The following PARP8 variants were observed in gnomAD, a reference collection of about 807,000 sequenced individuals.
The protein encoded by PARP8 is poly(ADP-ribose) polymerase family member 8, also known as protein mono-ADP-ribosyltransferase PARP8.
In PARP8, 51 loss-of-function variants were observed where a neutral mutation model predicts 124.1. The observed-to-expected ratio is 0.41, with a 90% CI of 0.33 to 0.52. The LOEUF (loss-of-function observed/expected upper bound fraction) is 0.52. Among genes scored for constraint, PARP8 ranks in the 20% least tolerant of loss-of-function variants. PARP8 has a pLI of 0.21. For synonymous variants in PARP8, 391 were observed against 361.5 expected (o/e 1.08, Z -0.93); for missense variants, 860 against 1,018.9 (o/e 0.84, Z 2.12).
At chr5:50,681,215 C>T (rs1471347758) in intron 2 of PARP8, among the ~76,000 whole-genome samples, 1 of 151,942 alleles carries the variant, frequency 6.6e-6, no homozygotes, top group Non-Finnish European at 1.5e-5. Flanking sequence ...TTAAATATCT[C>T]TTGTTTTATG....
intron 12 of PARP8, among the ~76,000 whole-genome samples, chr5:50,795,779 C>T (rs1159288561): frequency 1.3e-5 from 2 of 152,226 alleles, no homozygotes; most frequent in Non-Finnish European, 2.9e-5. Context: ...CTCTGGTCTT[C>T]TCACATGAGT....
chr5:50,684,137 C>T (rs907010483), intron 2 of PARP8, among the ~76,000 whole-genome samples: 3 of 152,082 alleles, frequency 2.0e-5, no homozygotes, highest in Admixed American at 1.3e-4. Context: ...AAATATTAAT[C>T]TTTCTTCTCA....
intron 2 of PARP8, among the ~76,000 whole-genome samples, chr5:50,705,746 G>C (rs1367991029): frequency 2.0e-5 from 3 of 152,050 alleles, no homozygotes; most frequent in African/African-American, 7.2e-5. Context: ...TCAAGCCACT[G>C]CACTCCAGCC....
chr5:50,808,089 T>C (rs929079982), intron 14 of PARP8, among the ~76,000 whole-genome samples: 4 of 151,970 alleles, frequency 2.6e-5, no homozygotes, highest in African/African-American at 7.2e-5. Context: ...CACCCAGTTA[T>C]AATTTGGTCC....
chr5:50,802,687 G>A (rs1743368341), intron 14 of PARP8, among the ~76,000 whole-genome samples: 1 of 151,956 alleles, frequency 6.6e-6, no homozygotes, highest in South Asian at 2.1e-4. Context: ...ACGTGTAATT[G>A]CTGTTATATA....
chr5:50,811,821 G>A (rs1287107973), intron 14 of PARP8, among the ~76,000 whole-genome samples: 2 of 152,092 alleles, frequency 1.3e-5, no homozygotes, highest in African/African-American at 2.4e-5. Flanking sequence ...TCCCACCTAT[G>A]AGTGAGAACA....
chr5:50,786,665 G>A (rs1741290473), intron 9 of PARP8, among the ~76,000 whole-genome samples: 1 of 151,980 alleles, frequency 6.6e-6, no homozygotes, highest in Non-Finnish European at 1.5e-5. Flanking sequence ...ACTGTGCCTG[G>A]CCTGAAAAAC....
At chr5:50,821,144 G>C (rs545935699) in intron 15 of PARP8, 69 bp from the exon 16 acceptor site, 28 of 1,568,708 alleles carry the variant, frequency 1.8e-5, no homozygotes, top group Non-Finnish European at 2.5e-5. Flanking sequence ...TACCTTGAGA[G>C]GGAGAAACAA....
intron 15 of PARP8, among the ~76,000 whole-genome samples, chr5:50,817,363 T>C (rs918242080): frequency 3.5e-4 from 53 of 152,236 alleles, no homozygotes; most frequent in African/African-American, 1.1e-3. Flanking sequence ...ATTTTTTTCA[T>C]ACTTTATTTC....
intron 7 of PARP8, among the ~76,000 whole-genome samples, chr5:50,774,602 G>A (rs1183631622): frequency 2.1e-5 from 3 of 145,358 alleles, no homozygotes; most frequent in East Asian, 2.0e-4. Flanking sequence ...CAGACAGGGC[G>A]GCCGGGCAGA....
chr5:50,691,842 G>T (rs571750885), intron 2 of PARP8, among the ~76,000 whole-genome samples: 1 of 152,036 alleles, frequency 6.6e-6, no homozygotes. Context: ...CCCATATTAC[G>T]CATGTGAAAA....
chr5:50,791,272 A>G (rs185885457), intron 10 of PARP8, among the ~76,000 whole-genome samples: 42 of 152,326 alleles, frequency 2.8e-4, no homozygotes, highest in African/African-American at 9.4e-4. Flanking sequence ...AGTGTTTAAC[A>G]TATAATAAGA....
chr5:50,831,741 G>A (rs934501747), intron 22 of PARP8, among the ~76,000 whole-genome samples: 1 of 152,164 alleles, frequency 6.6e-6, no homozygotes, highest in African/African-American at 2.4e-5. Context: ...TACATGGAAA[G>A]AATTGTGGAA....
chr5:50,833,972 A>G lies in PARP8; in HGVS notation c.2308-7A>G, dbSNP rs1475763311. The G allele has an allele frequency of 3.7e-6, 6 of 1,610,012 alleles. No individual in the cohort carries two copies. The highest frequency in any genetic ancestry group is 5.1e-6 in the Non-Finnish European group (6 of 1,177,190). ...GACTCTAAGTTTTAATTGTTTTTGG[A>G]ATTTAGTCACAGAAAAAAGGACAGC... On this transcript the variant is annotated splice_region_variant and splice_polypyrimidine_tract_variant and intron_variant, in intron 23 of 25. Transcript: ENST00000281631.
chr5:50,818,048 G>T (rs1298464210), intron 15 of PARP8, among the ~76,000 whole-genome samples: 1 of 151,854 alleles, frequency 6.6e-6, no homozygotes, highest in Non-Finnish European at 1.5e-5. Context: ...TTCTTCATTT[G>T]TATCATTCAG....
chr5:50,762,141 G>A (rs1044442102), intron 6 of PARP8, among the ~76,000 whole-genome samples: 3 of 152,016 alleles, frequency 2.0e-5, no homozygotes, highest in Admixed American at 6.6e-5. Context: ...TCATTACAGC[G>A]ATTTTGCAGA....
intron 6 of PARP8, 103 bp from the exon 7 acceptor site, chr5:50,763,041 TAAAA>T: frequency 1.4e-6 from 1 of 731,522 alleles, no homozygotes; most frequent in Non-Finnish European, 2.4e-6. Context: ...TTATTGAAGC[TAAAA>T]ATGCCCATGG....
intron 17 of PARP8, among the ~76,000 whole-genome samples, chr5:50,822,915 C>G (rs1400159627): frequency 6.6e-6 from 1 of 152,112 alleles, no homozygotes; most frequent in Non-Finnish European, 1.5e-5. Context: ...GAGCAAGGAT[C>G]GGGGTTTGTT....
At chr5:50,808,498 T>C (rs1363682955) in intron 14 of PARP8, among the ~76,000 whole-genome samples, 1 of 152,034 alleles carries the variant, frequency 6.6e-6, no homozygotes, top group African/African-American at 2.4e-5. Flanking sequence ...AACTTGGTTT[T>C]AGGGCTAGTT....
Sources: gnomAD v4.1 joint callset for allele counts (sites outside exome capture counted in the v4.1 genomes callset) on GRCh38, gnomAD v4.1.1 for gene constraint, MANE v1.5 for transcripts, NCBI Gene and HGNC (gene_info 2026-07-23, HGNC 2026-07-21) for gene names.